The following C2CD3 variants were observed in gnomAD, a reference collection of about 807,000 sequenced individuals.
C2CD3 encodes C2 domain containing 3 centriole elongation regulator, also known as C2 domain-containing protein 3.
In C2CD3, 148 loss-of-function variants were observed where a neutral mutation model predicts 234.0. That is an observed-to-expected ratio of 0.63 (90% confidence interval 0.55 to 0.72). The LOEUF is 0.72. C2CD3 is among the 30% of genes least tolerant of loss of function. The probability of loss-of-function intolerance (pLI) is 0.00; values close to 1 mark genes in which losing one functional copy is unlikely to be tolerated. For missense variants in C2CD3, 2,577 were observed against 2,811.5 expected (o/e 0.92, Z 1.89); for synonymous variants, 1,000 against 1,035.4 (o/e 0.97, Z 0.66).
intron 2 of C2CD3, among the ~76,000 whole-genome samples, chr11:74,165,323 G>A (rs1392211922): frequency 1.3e-5 from 2 of 151,960 alleles, no homozygotes; most frequent in Non-Finnish European, 2.9e-5. Flanking sequence ...TCACTCATTT[G>A]TAAATCTCTT....
At chr11:74,159,010 C>T (rs538291176) in intron 3 of C2CD3, among the ~76,000 whole-genome samples, 7 of 152,312 alleles carry the variant, frequency 4.6e-5, no homozygotes, top group African/African-American at 1.7e-4. Flanking sequence ...GCTTTATAGT[C>T]ATGCACCAGG....
chr11:74,013,804 C>G (rs1951779679), intron 32 of C2CD3, among the ~76,000 whole-genome samples: 1 of 152,198 alleles, frequency 6.6e-6, no homozygotes, highest in Admixed American at 6.5e-5. Context: ...AACCCCAGCC[C>G]TGACTCTTTC....
At chr11:74,132,188 T>C (rs1957700250) in intron 7 of C2CD3, among the ~76,000 whole-genome samples, 2 of 152,006 alleles carry the variant, frequency 1.3e-5, no homozygotes, top group Admixed American at 1.3e-4. Flanking sequence ...CCGTCGCTAC[T>C]AAAAATACAA....
intron 32 of C2CD3, among the ~76,000 whole-genome samples, chr11:74,018,238 C>G (rs1419437435): frequency 1.3e-5 from 2 of 152,162 alleles, no homozygotes; most frequent in Non-Finnish European, 2.9e-5. Context: ...AGAGCCAATA[C>G]CAGCTGCAGA....
Position 74,033,552 on chromosome 11 carries a change from G to C in C2CD3, c.6608C>G (p.Pro2203Arg), listed in dbSNP as rs1565211237. Residue 2203 changes from proline (P) to arginine (R), a missense_variant, in exon 31 of 33, where the codon CCC becomes CGC. Transcript: ENST00000334126. ...SSPQTDQNKE[P>R]KSEAPAENEA... ...ATTCTCAGCTGGGGCCTCTGACTTGGGCTCCTTGTTCTGATCTGTCTGTGG... is the reference window on the plus strand; with the variant it reads ...ATTCTCAGCTGGGGCCTCTGACTTGCGCTCCTTGTTCTGATCTGTCTGTGG... 2 of 1,536,178 alleles carry C rather than the reference G, an allele frequency of 1.3e-6. No homozygotes were observed. Among genetic ancestry groups the C allele is most frequent in the African/African-American group, 2.7e-5 (2 of 73,152 alleles).
rs762200604 is a variant in C2CD3, at chr11:74,033,625, T to C, written c.6535A>G (p.Thr2179Ala). Residue 2179 changes from threonine to alanine, a missense_variant, in exon 31 of 33, where the codon ACA becomes GCA. Physicochemically the swap from Thr to Ala is moderately conservative, Grantham distance 58 (BLOSUM62 0). Coordinates refer to ENST00000334126, the MANE Select transcript of C2CD3 (RefSeq NM_001286577.2). ...SANPQPIPCP[T>A]LSGAQQSSTF... ...CTGCTCTGTTGAGCTCCTGAGAGTG[T>C]TGGGCATGGGATGGGCTGAGGGTTG... 44 of 1,536,022 alleles carry C rather than the reference T, an allele frequency of 2.9e-5. No homozygotes were observed. Among genetic ancestry groups the C allele is most frequent in the African/African-American group, 2.7e-5 (2 of 73,024 alleles).
chr11:74,151,803 C>A (rs1340399862), intron 3 of C2CD3, among the ~76,000 whole-genome samples: 1 of 152,022 alleles, frequency 6.6e-6, no homozygotes, highest in Non-Finnish European at 1.5e-5. Flanking sequence ...GACCTTAAAA[C>A]CGCTATCATA....
intron 3 of C2CD3, among the ~76,000 whole-genome samples, chr11:74,153,911 A>G (rs1319660132): frequency 1.3e-5 from 2 of 152,122 alleles, no homozygotes; most frequent in South Asian, 4.1e-4. Flanking sequence ...CTAGAAATAG[A>G]CTCACATATA....
intron 17 of C2CD3, 86 bp downstream of exon 17, chr11:74,095,142 A>G: frequency 6.6e-6 from 6 of 912,622 alleles, no homozygotes; most frequent in Non-Finnish European, 9.1e-6. Flanking sequence ...TCAACAACAC[A>G]AAATTCACTC....
chr11:74,040,210 G>A (rs1227824157), intron 29 of C2CD3, among the ~76,000 whole-genome samples: 1 of 152,130 alleles, frequency 6.6e-6, no homozygotes, highest in African/African-American at 2.4e-5. Context: ...TAGGTTGTGC[G>A]CTCCTTATGA....
chr11:74,023,015 A>G (rs538132073), intron 32 of C2CD3, among the ~76,000 whole-genome samples: 1 of 152,380 alleles, frequency 6.6e-6, no homozygotes, highest in Admixed American at 6.5e-5. Flanking sequence ...CAGATGAGAA[A>G]GCAGACTCAG....
intron 28 of C2CD3, among the ~76,000 whole-genome samples, chr11:74,045,640 TG>T (rs1953335183): frequency 6.6e-6 from 1 of 152,036 alleles, no homozygotes; most frequent in South Asian, 2.1e-4. Context: ...GGCATGAACA[TG>T]GCTCACTGTA....
In C2CD3 at chr11:74,013,284, G is replaced by C. The variant is rs1420990186; in HGVS notation, c.*101C>G. 12 of 439,396 alleles carry C rather than the reference G, an allele frequency of 2.7e-5. No individual in the cohort carries two copies. The highest frequency in any genetic ancestry group is 1.0e-4 in the South Asian group (2 of 19,580). The allele number at this position is 439,396 out of a possible 1,614,324, so 27.2% of individuals were successfully genotyped here. The stretch of plus-strand genomic sequence containing the variant: ...CTAGGCAAGTGGTGGTTTCAGGACT[G>C]TGACAGCCCTGAAGGAGCCAGACCT... On this transcript the variant is annotated 3_prime_UTR_variant, in exon 33 of 33. Coordinates refer to ENST00000334126, the MANE Select transcript of C2CD3 (RefSeq NM_001286577.2).
intron 11 of C2CD3, among the ~76,000 whole-genome samples, chr11:74,111,371 C>T (rs545536144): frequency 6.6e-6 from 1 of 152,190 alleles, no homozygotes; most frequent in Admixed American, 6.5e-5. Flanking sequence ...AATACCATAC[C>T]CTACCTCATG....
chr11:74,054,489 A>G (rs1591347309), intron 26 of C2CD3, 118 bp downstream of exon 26: 3 of 619,194 alleles, frequency 4.8e-6, no homozygotes, highest in Non-Finnish European at 8.3e-6. Flanking sequence ...CACTGTCGGG[A>G]ATGCTTCACT....
intron 30 of C2CD3, chr11:74,036,230 T>C (rs1234677342): frequency 2.4e-5 from 8 of 327,586 alleles, no homozygotes; most frequent in African/African-American, 1.7e-4. Context: ...CCACCTCTAC[T>C]CCAAACAAGC....
rs1182307198 is a variant in C2CD3, at chr11:74,103,643, A to C, written c.2086-18T>G. 2.5e-6 allele frequency: 4 copies of C among 1,591,448 alleles called. No individual in the cohort carries two copies. The highest frequency in any genetic ancestry group is 1.7e-6 in the Non-Finnish European group (2 of 1,170,010). On this transcript the variant is annotated intron_variant, in intron 13 of 32. Coordinates refer to ENST00000334126, the MANE Select transcript of C2CD3 (RefSeq NM_001286577.2). ...ATGGTTACCTGTAAAACACAAAAGG[A>C]GAAGAGTCAATAAGAATGTCCTTTA...
At chr11:74,134,456 T>A (rs927839500) in intron 5 of C2CD3, among the ~76,000 whole-genome samples, 1 of 152,172 alleles carries the variant, frequency 6.6e-6, no homozygotes, top group African/African-American at 2.4e-5. Context: ...TTTGAGGTGA[T>A]AGTGTGCTAT....
chr11:74,110,443 T>A (rs933912080), intron 11 of C2CD3: 1 of 152,212 alleles, frequency 6.6e-6, no homozygotes, highest in Non-Finnish European at 1.5e-5. Flanking sequence ...GCTATGTGGA[T>A]CAATGCACAG....
Sources: allele counts gnomAD v4.1 joint callset (sites outside exome capture counted in the v4.1 genomes callset), GRCh38; gene constraint gnomAD v4.1.1; transcripts MANE v1.5; gene names NCBI Gene and HGNC (gene_info 2026-07-23, HGNC 2026-07-21).